The following CDS2 variants were observed in gnomAD, a reference collection of about 807,000 sequenced individuals.
The protein encoded by CDS2 is phosphatidate cytidylyltransferase 2.
In CDS2, 47 loss-of-function variants were observed where a neutral mutation model predicts 59.0. The observed-to-expected ratio is 0.80, with a 90% CI of 0.63 to 1.02. CDS2 has a LOEUF of 1.02. Among genes scored for constraint, CDS2 ranks in the 50% least tolerant of loss-of-function variants. The pLI, the probability that CDS2 is intolerant of heterozygous loss-of-function variation, is 0.00. For synonymous variants in CDS2, 207 were observed against 206.4 expected, an observed-to-expected ratio of 1.00 and a Z score of -0.02; for missense variants, 356 against 558.9, an observed-to-expected ratio of 0.64 and a Z score of 3.66.
intron 9 of CDS2, 44 bp downstream of exon 9, chr20:5,185,870 G>A: frequency 6.4e-7 from 1 of 1,561,610 alleles, no homozygotes; most frequent in East Asian, 2.2e-5. Context: ...GGTGGACAGA[G>A]GCCTCATACC....
chr20:5,186,923 A>C, intron 10 of CDS2, 84 bp downstream of exon 10: 2 of 1,495,496 alleles, frequency 1.3e-6, no homozygotes. Flanking sequence ...GCCCTCTGAA[A>C]AAAGCTAGCT....
At chr20:5,181,085 T>C (rs2091030660) in intron 5 of CDS2, among the ~76,000 whole-genome samples, 1 of 152,206 alleles carries the variant, frequency 6.6e-6, no homozygotes, top group African/African-American at 2.4e-5. Context: ...TAAGCAAAAC[T>C]ATCCCAAGTA....
intron 10 of CDS2, among the ~76,000 whole-genome samples, chr20:5,188,571 A>T (rs2091088128): frequency 6.6e-6 from 1 of 152,224 alleles, no homozygotes; most frequent in African/African-American, 2.4e-5. Flanking sequence ...ACATGTATAT[A>T]ATTAGTTTCA....
At chr20:5,177,220 T>G (rs1255997399) in intron 4 of CDS2, among the ~76,000 whole-genome samples, 2 of 152,112 alleles carry the variant, frequency 1.3e-5, no homozygotes, top group African/African-American at 4.8e-5. Context: ...CCGTCATATC[T>G]CAGCATCCCA....
In CDS2 at chr20:5,192,745, A is replaced by G. The variant is rs1007807050; in HGVS notation, c.*2511A>G. 4 of 152,142 alleles carry G rather than the reference A, an allele frequency of 2.6e-5. No homozygotes were observed. Among genetic ancestry groups the G allele is most frequent in the African/African-American group, 4.8e-5 (2 of 41,434 alleles). 9.4% of individuals were successfully genotyped at this position (152,142 alleles called of 1,614,324 possible). ...TTCTCATTTGTTTATGTATTCATGAATACTGCATAGTCCTGATTCAGAGAC... is the reference window on the plus strand; with the variant it reads ...TTCTCATTTGTTTATGTATTCATGAGTACTGCATAGTCCTGATTCAGAGAC... On this transcript the variant is annotated 3_prime_UTR_variant, in exon 13 of 13. Transcript: ENST00000460006.
At chr20:5,161,062 A>G (rs935675222) in intron 1 of CDS2, among the ~76,000 whole-genome samples, 2 of 152,198 alleles carry the variant, frequency 1.3e-5, no homozygotes, top group Non-Finnish European at 2.9e-5. Flanking sequence ...TTTTGGGTAT[A>G]TACCCAGAAG....
intron 1 of CDS2, among the ~76,000 whole-genome samples, chr20:5,167,212 C>T (rs2090919414): frequency 6.6e-6 from 1 of 152,212 alleles, no homozygotes; most frequent in South Asian, 2.1e-4. Flanking sequence ...TTTTAAGAAG[C>T]TGAATCTGCC....
chr20:5,133,808 A>C (rs1600465077), intron 1 of CDS2, among the ~76,000 whole-genome samples: 1 of 152,304 alleles, frequency 6.6e-6, no homozygotes, highest in South Asian at 2.1e-4. Flanking sequence ...TACAGGCGTG[A>C]GCCACCGCGC....
intron 2 of CDS2, 150 bp downstream of exon 2, chr20:5,173,809 T>G: frequency 1.1e-6 from 1 of 920,678 alleles, no homozygotes; most frequent in Non-Finnish European, 1.7e-6. Context: ...CTCCATTGAG[T>G]GTAATCTAGT....
chr20:5,179,063 C>T (rs2091014394), intron 5 of CDS2, 107 bp downstream of exon 5: 4 of 1,008,730 alleles, frequency 4.0e-6, no homozygotes, highest in Admixed American at 3.6e-5. Flanking sequence ...GTGACATTAA[C>T]TGTGACCATG....
intron 1 of CDS2, 128 bp downstream of exon 1, chr20:5,127,277 G>C: frequency 1.1e-6 from 1 of 884,392 alleles, no homozygotes; most frequent in South Asian, 2.7e-5. Context: ...CCCGGGCCCG[G>C]GTAGCGCGAA....
chr20:5,178,655 A>G (rs1319430166), intron 4 of CDS2, among the ~76,000 whole-genome samples, 162 bp from the exon 5 acceptor site: 1 of 152,158 alleles, frequency 6.6e-6, no homozygotes, highest in East Asian at 1.9e-4. Context: ...GTGTCACCAG[A>G]GAGCAGGAAA....
intron 1 of CDS2, among the ~76,000 whole-genome samples, chr20:5,130,829 C>A (rs569118322): frequency 1.2e-4 from 18 of 151,858 alleles, no homozygotes; most frequent in Non-Finnish European, 1.9e-4. Flanking sequence ...TGGTAGCTCA[C>A]GCCTGTAATC....
At chr20:5,180,860 T>G (rs1221624113) in intron 5 of CDS2, among the ~76,000 whole-genome samples, 1 of 152,094 alleles carries the variant, frequency 6.6e-6, no homozygotes, top group African/African-American at 2.4e-5. Context: ...TTCAGGCTGA[T>G]TAGGGGCAAT....
chr20:5,162,896 T>A lies in CDS2; in HGVS notation c.58-10627T>A, dbSNP rs1409264116. 2.6e-5 allele frequency among the ~76,000 whole-genome samples: 4 copies of A among 152,292 alleles called. No homozygotes were observed. In the East Asian group the frequency reaches 7.7e-4, roughly 29 times the overall value. ...AACTAGATCTGACATTGCCAAGATA[T>A]ATGATAAGATGAAGGCAGGGGAATC... On this transcript the variant is annotated intron_variant, in intron 1 of 12. Transcript: ENST00000460006.
chr20:5,173,805 T>G, intron 2 of CDS2, 146 bp downstream of exon 2: 3 of 962,514 alleles, frequency 3.1e-6, no homozygotes, highest in South Asian at 1.5e-5. Context: ...CAGGCTCCAT[T>G]GAGTGTAATC....
intron 1 of CDS2, among the ~76,000 whole-genome samples, chr20:5,164,873 C>T (rs1246757661): frequency 6.6e-6 from 1 of 152,176 alleles, no homozygotes; most frequent in African/African-American, 2.4e-5. Context: ...CTCTGATAGT[C>T]TCTGTTCTGA....
chr20:5,174,597 C>A (rs1425960851), intron 2 of CDS2, among the ~76,000 whole-genome samples: 2 of 151,850 alleles, frequency 1.3e-5, no homozygotes, highest in South Asian at 4.2e-4. Flanking sequence ...TGGTGGCAGG[C>A]GCCTGTAGTC....
chr20:5,131,409 T>C (rs1017678687), intron 1 of CDS2, among the ~76,000 whole-genome samples: 12 of 152,238 alleles, frequency 7.9e-5, no homozygotes, highest in Admixed American at 2.6e-4. Context: ...ATCCTCTTCC[T>C]ACCCAACCAT....
Sources: gnomAD v4.1 joint callset for allele counts (sites outside exome capture counted in the v4.1 genomes callset) on GRCh38, gnomAD v4.1.1 for gene constraint, MANE v1.5 for transcripts, NCBI Gene and HGNC (gene_info 2026-07-23, HGNC 2026-07-21) for gene names.